The following HSD17B14 variants were observed in gnomAD, a reference collection of about 807,000 sequenced individuals.
The protein encoded by HSD17B14 is hydroxysteroid 17-beta dehydrogenase 14, also known as L-fucose dehydrogenase.
In HSD17B14, 32 loss-of-function variants were observed where a neutral mutation model predicts 32.2. The ratio of observed to expected loss-of-function variants is 0.99; its 90% CI spans 0.75 to 1.33. HSD17B14 has a LOEUF of 1.33. Among genes scored for constraint, HSD17B14 ranks in the 40% most tolerant of loss-of-function variants. The pLI, the probability that HSD17B14 is intolerant of heterozygous loss-of-function variation, is 0.00. For missense variants in HSD17B14, 370 were observed against 366.5 expected, an observed-to-expected ratio of 1.01 and a Z score of -0.08; for synonymous variants, 140 against 155.4, an observed-to-expected ratio of 0.90 and a Z score of 0.74.
At chr19:48,834,155 C>T (rs181439066) in intron 3 of HSD17B14, 121 bp downstream of exon 3, 55 of 759,860 alleles carry the variant, frequency 7.2e-5, no homozygotes, top group African/African-American at 5.2e-4. Context: ...AAACCTTTGA[C>T]GAGTCCAGCG....
intron 5 of HSD17B14, among the ~76,000 whole-genome samples, chr19:48,823,979 G>T (rs1265877186): frequency 6.7e-6 from 1 of 149,246 alleles, no homozygotes; most frequent in Non-Finnish European, 1.5e-5. Context: ...TTGAGGCCAG[G>T]CATGGTGGGT....
At chr19:48,828,068 A>G (rs553051932) in intron 5 of HSD17B14, among the ~76,000 whole-genome samples, 96 of 151,362 alleles carry the variant, frequency 6.3e-4, no homozygotes, top group African/African-American at 2.3e-3. Flanking sequence ...GTTAGCCAAG[A>G]TGGTCTCGAT....
chr19:48,827,333 G>A (rs185630108), intron 5 of HSD17B14, among the ~76,000 whole-genome samples: 136 of 152,130 alleles, frequency 8.9e-4, no homozygotes, highest in Middle Eastern at 3.4e-3. Context: ...ATGAGCCACC[G>A]TGCCTGGCAA....
At chr19:48,819,161 G>T (rs560399835) in intron 5 of HSD17B14, among the ~76,000 whole-genome samples, 2 of 152,174 alleles carry the variant, frequency 1.3e-5, no homozygotes, top group South Asian at 4.2e-4. Context: ...GCTAATTTTT[G>T]TATTTTTAGT....
intron 5 of HSD17B14, among the ~76,000 whole-genome samples, chr19:48,817,233 A>G (rs1000041482): frequency 6.6e-6 from 1 of 151,098 alleles, no homozygotes; most frequent in Non-Finnish European, 1.5e-5. Flanking sequence ...GCTGGAGTGC[A>G]GTGATGTCAT....
At chr19:48,828,076 G>A (rs1355758570) in intron 5 of HSD17B14, among the ~76,000 whole-genome samples, 2 of 151,444 alleles carry the variant, frequency 1.3e-5, no homozygotes, top group Non-Finnish European at 2.9e-5. Flanking sequence ...AGATGGTCTC[G>A]ATCTCCTGAC....
At position 48,828,269 on chromosome 19, in the gene HSD17B14, T is replaced by C. The variant is rs528907895; in HGVS notation, c.369+3399A>G. On this transcript the variant is annotated intron_variant, in intron 5 of 8. Coordinates refer to ENST00000263278, the MANE Select transcript of HSD17B14 (RefSeq NM_016246.3). ...CATCACATTGATTAGTGATTGGCTA[T>C]ACATGTTTGAACTATAGAGTGTGTG... 7.2e-5 allele frequency among the ~76,000 whole-genome samples: 11 copies of C among 152,304 alleles called. No homozygotes were observed. The South Asian group carries it at 1.5e-3, about 20-fold the overall frequency.
chr19:48,818,421 G>A (rs113915018), intron 5 of HSD17B14, among the ~76,000 whole-genome samples: 2,102 of 151,306 alleles, frequency 0.014, 50 homozygotes, highest in African/African-American at 0.048. Context: ...TCTCATCCTC[G>A]CCTCCTCTCA....
At chr19:48,814,976 C>T in intron 6 of HSD17B14, 61 bp downstream of exon 6, 1 of 1,363,144 alleles carries the variant, frequency 7.3e-7, no homozygotes, top group South Asian at 1.2e-5. Flanking sequence ...GTTGTCTGGA[C>T]TCAAAGCCAA....
chr19:48,831,617 C>T (rs377246739), intron 5 of HSD17B14, 51 bp downstream of exon 5: 1 of 1,216,020 alleles, frequency 8.2e-7, no homozygotes, highest in Non-Finnish European at 1.2e-6. Flanking sequence ...ATCACACAAT[C>T]CACCTATCAG....
At chr19:48,830,383 C>T (rs1041207358) in intron 5 of HSD17B14, among the ~76,000 whole-genome samples, 1 of 152,138 alleles carries the variant, frequency 6.6e-6, no homozygotes, top group South Asian at 2.1e-4. Context: ...GCCCCTGCAC[C>T]TGGAACTGTC....
At chr19:48,832,848 C>A (rs895553184) in intron 3 of HSD17B14, 116 bp from the exon 4 acceptor site, 10 of 831,606 alleles carry the variant, frequency 1.2e-5, no homozygotes, top group Non-Finnish European at 2.0e-5. Flanking sequence ...CAGCCTCCTG[C>A]GTTCAAGCAA....
intron 5 of HSD17B14, among the ~76,000 whole-genome samples, chr19:48,815,419 C>T (rs1260472137): frequency 2.6e-5 from 4 of 152,144 alleles, no homozygotes; most frequent in Non-Finnish European, 5.9e-5. Context: ...CTACCTCTGT[C>T]CCTTCTCCCT....
intron 1 of HSD17B14, 27 bp from the exon 2 acceptor site, chr19:48,835,870 T>A (rs370728801): frequency 1.2e-6 from 2 of 1,612,040 alleles, no homozygotes; most frequent in African/African-American, 2.7e-5. Flanking sequence ...AACAGGTTAC[T>A]CTCCGAGCCT....
intron 5 of HSD17B14, among the ~76,000 whole-genome samples, 183 bp downstream of exon 5, chr19:48,831,484 TG>T (rs1225455491): frequency 6.6e-6 from 1 of 150,666 alleles, no homozygotes; most frequent in Non-Finnish European, 1.5e-5. Flanking sequence ...ACCCAGGAGG[TG>T]GAGGTTGCAG....
chr19:48,827,365 G>T (rs1365312052), intron 5 of HSD17B14, among the ~76,000 whole-genome samples: 1 of 151,886 alleles, frequency 6.6e-6, no homozygotes, highest in South Asian at 2.1e-4. Context: ...TTCTTCTGTT[G>T]TGTGTTCATA....
chr19:48,830,349 C>T (rs1052693668), intron 5 of HSD17B14, among the ~76,000 whole-genome samples: 6 of 152,154 alleles, frequency 3.9e-5, no homozygotes, highest in Non-Finnish European at 8.8e-5. Context: ...CGTCCAGCGT[C>T]TATCACCTTG....
intron 1 of HSD17B14, 100 bp from the exon 2 acceptor site, chr19:48,835,943 C>T (rs1484969095): frequency 9.6e-7 from 1 of 1,037,500 alleles, no homozygotes. Context: ...CCTCTCCCCT[C>T]GTGACCCCAG....
In HSD17B14 at chr19:48,816,826, T is replaced by TCTTTCTTTCTTTCTTTCTTTCTTTC. The variant is rs1352133457; in HGVS notation, c.370-1686_370-1685insGAAAGAAAGAAAGAAAGAAAGAAAG. Among the ~76,000 whole-genome samples the TCTTTCTTTCTTTCTTTCTTTCTTTC allele has an allele frequency of 4.6e-3, 681 of 148,978 alleles. 18 individuals carry two copies. Among genetic ancestry groups the TCTTTCTTTCTTTCTTTCTTTCTTTC allele is most frequent in the African/African-American group, 0.016 (628 of 39,728 alleles). ...TTCTTTCTTTCTTTCTTTCTTTCTT[T>TCTTTCTTTCTTTCTTTCTTTCTTTC]TCTTTCTCTCTCTCTCTCTCTTTCT... On this transcript the variant is annotated intron_variant, in intron 5 of 8. Coordinates refer to ENST00000263278, the MANE Select transcript of HSD17B14 (RefSeq NM_016246.3).
Sources: allele counts gnomAD v4.1 joint callset (sites outside exome capture counted in the v4.1 genomes callset), GRCh38; gene constraint gnomAD v4.1.1; transcripts MANE v1.5; gene names NCBI Gene and HGNC (gene_info 2026-07-23, HGNC 2026-07-21).